PACS2: variants seen among roughly 807,000 people sequenced by gnomAD.
PACS2 encodes phosphofurin acidic cluster sorting protein 2.
In PACS2, 36 loss-of-function variants were observed where a neutral mutation model predicts 113.0. That is an observed-to-expected ratio of 0.32 (90% CI 0.24 to 0.42). The LOEUF is 0.42. Among genes scored for constraint, PACS2 ranks in the 10% least tolerant of loss-of-function variants. The probability of loss-of-function intolerance (pLI) is 1.00; values close to 1 mark genes in which losing one functional copy is unlikely to be tolerated. For missense variants in PACS2, 1,015 were observed against 1,239.5 expected, an observed-to-expected ratio of 0.82 and a Z score of 2.72; for synonymous variants, 589 against 536.1, an observed-to-expected ratio of 1.10 and a Z score of -1.36.
chr14:105,362,416 C>CAAAAAAAAAAAAA (rs1157752286), intron 4 of PACS2, among the ~76,000 whole-genome samples: 1 of 68,138 alleles, frequency 1.5e-5, no homozygotes, highest in East Asian at 3.9e-4. Flanking sequence ...GACTCCGTCT[C>CAAAAAAAAAAAAA]AAAAAAAAAA....
intron 1 of PACS2, among the ~76,000 whole-genome samples, chr14:105,306,928 G>A (rs1041199349): frequency 6.6e-6 from 1 of 151,894 alleles, no homozygotes; most frequent in Non-Finnish European, 1.5e-5. Flanking sequence ...CATCTGTGGT[G>A]CTTTGACATC....
chr14:105,373,163 T>C (rs1041193966), intron 8 of PACS2, among the ~76,000 whole-genome samples: 13 of 152,242 alleles, frequency 8.5e-5, no homozygotes, highest in African/African-American at 3.1e-4. Context: ...CCTAAATTGA[T>C]GTACAAATTC....
In PACS2 at chr14:105,382,930, C is replaced by T. The variant is rs781808610; in HGVS notation, c.1625+17C>T. The T allele has an allele frequency of 2.0e-5, 29 of 1,436,642 alleles. No homozygotes were observed. Among genetic ancestry groups the T allele is most frequent in the South Asian group, 5.7e-5 (5 of 87,416 alleles). The allele number at this position is 1,436,642 out of a possible 1,614,324, so 89.0% of individuals were successfully genotyped here. ...ACAGAGATAGTGAGTTGGGCTCCAC[C>T]CTGTACTCACCACCCAAGTACCCCT... On this transcript the variant is annotated intron_variant, in intron 15 of 24. Coordinates refer to ENST00000447393, the MANE Select transcript of PACS2 (RefSeq NM_001100913.3).
chr14:105,304,734 T>C (rs984725497), intron 1 of PACS2, among the ~76,000 whole-genome samples: 7 of 152,202 alleles, frequency 4.6e-5, no homozygotes, highest in Non-Finnish European at 7.3e-5. Flanking sequence ...TGCAGAGGCC[T>C]CACAATCATG....
At position 105,303,410 on chromosome 14, in the gene PACS2, A is replaced by T. The variant is rs1330025662; in HGVS notation, c.-83+2431A>T. 2.6e-5 allele frequency among the ~76,000 whole-genome samples: 4 copies of T among 151,358 alleles called. No homozygotes were observed. The East Asian group carries it at 7.7e-4, about 29-fold the overall frequency. On this transcript the variant is annotated intron_variant, in intron 1 of 23. Coordinates refer to the PACS2 transcript ENST00000430725. ...AGGTGCCCACCACCATGCCTGGCTA[A>T]TTTTTTGTATTTTTAGTAGAGACAG...
chr14:105,354,274 T>C lies in PACS2; in HGVS notation c.298-778T>C, dbSNP rs1007574998. On this transcript the variant is annotated intron_variant, in intron 3 of 24. Transcript: ENST00000447393. This position sits in a 1 kb window ranked among gnomAD's most constrained non-coding sequence, Gnocchi z 4.2. ...GGTGACAGTGAGCCCGGCTAATTTT[T>C]GTATTTTTGTAGAGATGGGGTTTTG... Among the ~76,000 whole-genome samples, 25 of 152,096 alleles carry C rather than the reference T, an allele frequency of 1.6e-4. No individual in the cohort carries two copies. Among genetic ancestry groups the C allele is most frequent in the African/African-American group, 6.0e-4 (25 of 41,404 alleles).
At chr14:105,389,913 G>T in intron 19 of PACS2, 48 bp from the exon 20 acceptor site, 2 of 1,552,256 alleles carry the variant, frequency 1.3e-6, no homozygotes, top group Non-Finnish European at 1.8e-6. Context: ...CCCACCAGGC[G>T]GGGCTGTGCC....
At chr14:105,306,803 A>G (rs1427734327) in intron 1 of PACS2, among the ~76,000 whole-genome samples, 2 of 152,024 alleles carry the variant, frequency 1.3e-5, no homozygotes, top group African/African-American at 4.8e-5. Flanking sequence ...TCAGGGTTCC[A>G]TCATGTTGGC....
chr14:105,383,693 ATGTT>A (rs1391153709), intron 16 of PACS2, 180 bp downstream of exon 16: 7 of 584,234 alleles, frequency 1.2e-5, no homozygotes, highest in East Asian at 1.2e-4. Context: ...TTGTTTTTAA[ATGTT>A]TGTTTGATAC....
chr14:105,348,106 C>T lies in PACS2; in HGVS notation c.120-387C>T, dbSNP rs587652411. On this transcript the variant is annotated intron_variant, in intron 1 of 24. Coordinates refer to ENST00000447393, the MANE Select transcript of PACS2 (RefSeq NM_001100913.3). The surrounding 1 kb of genome is among the most constrained non-coding windows in gnomAD (Gnocchi z 6.4). The stretch of plus-strand genomic sequence containing the variant: ...CTGGGCCTGGGGCTGGATAGGGCCG[C>T]GGGAGAGGGGAGGCCTGTGCTCTCA... 2.0e-5 allele frequency among the ~76,000 whole-genome samples: 3 copies of T among 152,172 alleles called. No homozygotes were observed. The highest frequency in any genetic ancestry group is 2.0e-4 in the Admixed American group (3 of 15,292).
In PACS2 at chr14:105,355,567, G is replaced by C. The variant is rs1211717462; in HGVS notation, c.423+390G>C. On this transcript the variant is annotated intron_variant, in intron 4 of 24. Transcript: ENST00000447393. The surrounding 1 kb of genome is among the most constrained non-coding windows in gnomAD (Gnocchi z 4.1). ...TTCGTGTCTGCATCCTGCTCAGCAC[G>C]TGCTCTGGCCCAGGATTGGCTGAGC... Among the ~76,000 whole-genome samples, 1 of 152,234 alleles carries C rather than the reference G, an allele frequency of 6.6e-6. No individual in the cohort carries two copies. Among genetic ancestry groups the C allele is most frequent in the Non-Finnish European group, 1.5e-5 (1 of 68,042 alleles).
Position 105,365,724 on chromosome 14 carries a change from G to A in PACS2, c.424-1489G>A, listed in dbSNP as rs2060921901. Among the ~76,000 whole-genome samples the A allele has an allele frequency of 6.6e-6, 1 of 152,176 alleles. No individual in the cohort carries two copies. On this transcript the variant is annotated intron_variant, in intron 4 of 24. Transcript: ENST00000447393. This position sits in a 1 kb window ranked among gnomAD's most constrained non-coding sequence, Gnocchi z 5.1. ...CTCATTTTACTGGGATCCCCAGCAA[G>A]GGCTCAGCATTTCTGACCGAGGGCT...
chr14:105,384,610 AG>A (rs1330613911), intron 17 of PACS2, 147 bp downstream of exon 17: 2 of 628,578 alleles, frequency 3.2e-6, no homozygotes, highest in Non-Finnish European at 5.6e-6. Flanking sequence ...GGCCTTGGCC[AG>A]GATGCCTCCT....
At position 105,355,816 on chromosome 14, in the gene PACS2, C is replaced by T. The variant is rs1280878016; in HGVS notation, c.423+639C>T. ...GGGCGTGGGGGCCTGGGAGAAGACA[C>T]CCCAGGCTGAGGCCTCGGACTTTCT... On this transcript the variant is annotated intron_variant, in intron 4 of 24. Coordinates refer to ENST00000447393, the MANE Select transcript of PACS2 (RefSeq NM_001100913.3). The surrounding 1 kb of genome is among the most constrained non-coding windows in gnomAD (Gnocchi z 4.1). Among the ~76,000 whole-genome samples the T allele has an allele frequency of 6.6e-6, 1 of 152,200 alleles. No homozygotes were observed. Among genetic ancestry groups the T allele is most frequent in the Non-Finnish European group, 1.5e-5 (1 of 68,030 alleles).
At chr14:105,360,385 CA>C (rs1160055539) in intron 4 of PACS2, among the ~76,000 whole-genome samples, 1 of 150,308 alleles carries the variant, frequency 6.7e-6, no homozygotes, top group Non-Finnish European at 1.5e-5. Context: ...ACTAAAAATA[CA>C]AAAAAAAATT....
rs929108189 is a variant in PACS2, at chr14:105,349,713, G to A, written c.207+1133G>A. ...ACCCTTTTCCTCGCTGAACATGCTC[G>A]TGGATTAGCAGCAGCCTACATCTGC... On this transcript the variant is annotated intron_variant, in intron 2 of 24. Coordinates refer to ENST00000447393, the MANE Select transcript of PACS2 (RefSeq NM_001100913.3). Among the ~76,000 whole-genome samples, 4 of 152,268 alleles carry A rather than the reference G, an allele frequency of 2.6e-5. No individual in the cohort carries two copies. In the East Asian group the frequency reaches 7.7e-4, roughly 29 times the overall value.
chr14:105,384,978 A>G lies in PACS2; in HGVS notation c.1991A>G (p.Lys664Arg). 1 of 1,574,420 alleles carries G rather than the reference A, an allele frequency of 6.4e-7. No homozygotes were observed. The highest frequency in any genetic ancestry group is 8.6e-7 in the Non-Finnish European group (1 of 1,157,650). Reference protein sequence around the residue: ...LPIAEAMLTYKQKRKKHFHFD... With the variant: ...LPIAEAMLTYRQKRKKHFHFD... ...ATCGCAGAGGCCATGCTGACCTACA[A>G]GCAGAAGAGGTAACGCGGTGGGCCC... The change falls in exon 18 of 25, where the codon AAG (lysine) becomes AGG (arginine). Residue 664 changes from lysine (K) to arginine (R), a missense_variant. By Grantham distance (26) the Lys-to-Arg change is conservative. Transcript: ENST00000447393.
chr14:105,335,028 T>G lies in PACS2; in HGVS notation c.120-13465T>G, dbSNP rs373239491. 2.6e-5 allele frequency among the ~76,000 whole-genome samples: 4 copies of G among 152,222 alleles called. 1 individual carries two copies. The South Asian group carries it at 6.2e-4, about 24-fold the overall frequency. On this transcript the variant is annotated intron_variant, in intron 1 of 24. Coordinates refer to ENST00000447393, the MANE Select transcript of PACS2 (RefSeq NM_001100913.3). Reference sequence around the variant, plus strand: ...ACGTGTAGGAACATGGAATGGCCCCTGGGCCTTCGGGTGACTGAGACAGAA... The same window carrying G: ...ACGTGTAGGAACATGGAATGGCCCCGGGGCCTTCGGGTGACTGAGACAGAA...
rs587658048 is a variant in PACS2, at chr14:105,317,797, G to C, written c.119+2760G>C. 6.6e-5 allele frequency among the ~76,000 whole-genome samples: 10 copies of C among 152,342 alleles called. No individual in the cohort carries two copies. The East Asian group carries it at 1.9e-3, about 29-fold the overall frequency. On this transcript the variant is annotated intron_variant, in intron 1 of 24. Coordinates refer to ENST00000447393, the MANE Select transcript of PACS2 (RefSeq NM_001100913.3). The surrounding 1 kb of genome is among the most constrained non-coding windows in gnomAD (Gnocchi z 4.2). ...GTGCACATTGACTGTTTGCCAGGCT[G>C]GGGTGCTGGTCTCGTTTCGGTTCTC...
Sources: gnomAD v4.1 joint callset for allele counts (sites outside exome capture counted in the v4.1 genomes callset) on GRCh38, gnomAD v4.1.1 for gene constraint, Gnocchi (gnomAD v3.1) non-coding constraint, MANE v1.5 for transcripts, NCBI Gene and HGNC (gene_info 2026-07-23, HGNC 2026-07-21) for gene names.